TASP1: variants seen among roughly 807,000 people sequenced by gnomAD.
TASP1 encodes the protein taspase 1, also known as threonine aspartase 1.
TASP1 carries 16 observed loss-of-function variants against 56.6 expected under a neutral mutation model. The ratio of observed to expected loss-of-function variants is 0.28; its 90% CI spans 0.19 to 0.43. The LOEUF is 0.43. Ranked by LOEUF, TASP1 falls within the 20% of genes least tolerant of loss-of-function variation. The pLI is 1.00. For synonymous variants in TASP1, 179 were observed against 184.2 expected (o/e 0.97, Z 0.23); for missense variants, 393 against 511.6 (o/e 0.77, Z 2.24).
chr20:13,413,375 A>T (rs1222259638), intron 13 of TASP1, among the ~76,000 whole-genome samples: 2 of 148,874 alleles, frequency 1.3e-5, no homozygotes, highest in Admixed American at 6.7e-5. Flanking sequence ...TGTTGAGTAA[A>T]TTTTTTTTTT....
chr20:13,498,796 C>CA (rs34158191), intron 10 of TASP1, among the ~76,000 whole-genome samples: 140 of 130,042 alleles, frequency 1.1e-3, no homozygotes, highest in South Asian at 4.5e-3. Context: ...ATAAAAAAGG[C>CA]AAAAAAAAAA....
intron 4 of TASP1, among the ~76,000 whole-genome samples, chr20:13,596,822 T>G (rs1248270651): frequency 6.6e-6 from 1 of 151,938 alleles, no homozygotes; most frequent in East Asian, 1.9e-4. Context: ...AAGAATCAAA[T>G]AGATGCAATA....
the TASP1 span, among the ~76,000 whole-genome samples, chr20:13,237,397 A>G: frequency 9.2e-5 from 14 of 152,276 alleles, no homozygotes; most frequent in African/African-American, 3.4e-4. Context: ...GGGAATGAAC[A>G]AATGACAACT....
At chr20:13,133,256 C>T in the TASP1 span, among the ~76,000 whole-genome samples, 25 of 152,242 alleles carry the variant, frequency 1.6e-4, no homozygotes, top group East Asian at 5.8e-4. Flanking sequence ...AAACAGCTTG[C>T]GGACCCTCTA....
At chr20:13,279,977 A>C in the TASP1 span, 1 of 1,375,914 alleles carries the variant, frequency 7.3e-7, no homozygotes, top group Non-Finnish European at 9.9e-7. Context: ...GCCAAGCAAA[A>C]CCCTGCTTAG....
the TASP1 span, among the ~76,000 whole-genome samples, chr20:13,356,317 G>A: frequency 6.6e-6 from 1 of 152,192 alleles, no homozygotes; most frequent in East Asian, 1.9e-4. Context: ...AGGAGCAATT[G>A]TTGTAAAGCA....
chr20:13,494,829 T>A (rs926537593), intron 10 of TASP1, among the ~76,000 whole-genome samples: 1 of 152,108 alleles, frequency 6.6e-6, no homozygotes, highest in Non-Finnish European at 1.5e-5. Context: ...CACTTAGGAC[T>A]GTAGATAGTC....
At chr20:13,201,049 T>G in the TASP1 span, among the ~76,000 whole-genome samples, 1 of 152,048 alleles carries the variant, frequency 6.6e-6, no homozygotes, top group Non-Finnish European at 1.5e-5. Flanking sequence ...TGAATGACAG[T>G]CTCCAATGCC....
At chr20:13,211,194 G>A in the TASP1 span, among the ~76,000 whole-genome samples, 367 of 152,222 alleles carry the variant, frequency 2.4e-3, 3 homozygotes, top group Non-Finnish European at 2.3e-3. Context: ...TATATTGCAG[G>A]AATGAACCCT....
chr20:13,249,226 C>T, the TASP1 span, among the ~76,000 whole-genome samples: 1 of 152,202 alleles, frequency 6.6e-6, no homozygotes. Context: ...CTCCCCACCA[C>T]TGAAAGGTAC....
intron 11 of TASP1, among the ~76,000 whole-genome samples, chr20:13,472,584 A>C (rs973221454): frequency 6.6e-6 from 1 of 151,076 alleles, no homozygotes; most frequent in African/African-American, 2.4e-5. Context: ...CAATCTATCC[A>C]TCTAACAAAG....
the TASP1 span, chr20:13,133,059 A>C: frequency 6.6e-6 from 1 of 152,254 alleles, no homozygotes; most frequent in Non-Finnish European, 1.5e-5. Context: ...TCTCTCTTTG[A>C]AAACAGCCTT....
At chr20:13,186,938 G>T in the TASP1 span, among the ~76,000 whole-genome samples, 6 of 152,236 alleles carry the variant, frequency 3.9e-5, no homozygotes, top group East Asian at 9.7e-4. Flanking sequence ...TATCAGACAG[G>T]AAATTAAAAT....
intron 11 of TASP1, among the ~76,000 whole-genome samples, chr20:13,444,351 T>A (rs774020160): frequency 4.3e-4 from 65 of 152,218 alleles, no homozygotes; most frequent in Admixed American, 2.8e-3. Context: ...TGAATTTCTG[T>A]GCATTGCTTT....
At chr20:13,632,102 C>A (rs763908838) in intron 1 of TASP1, among the ~76,000 whole-genome samples, 1 of 144,532 alleles carries the variant, frequency 6.9e-6, no homozygotes, top group African/African-American at 2.6e-5. Flanking sequence ...CAGTGACTCA[C>A]GCCTGTAATC....
intron 11 of TASP1, among the ~76,000 whole-genome samples, chr20:13,444,455 C>T (rs1316781474): frequency 6.6e-6 from 1 of 152,104 alleles, no homozygotes; most frequent in African/African-American, 2.4e-5. Flanking sequence ...TATTGACACA[C>T]AGACAGTTTG....
chr20:13,148,490 A>C, the TASP1 span, among the ~76,000 whole-genome samples: 1 of 152,334 alleles, frequency 6.6e-6, no homozygotes, highest in African/African-American at 2.4e-5. Flanking sequence ...TCGGGAGAGC[A>C]GGTCACCCCC....
At chr20:13,249,877 C>G in the TASP1 span, among the ~76,000 whole-genome samples, 1 of 152,088 alleles carries the variant, frequency 6.6e-6, no homozygotes, top group Admixed American at 6.6e-5. Context: ...AGACTCCTTT[C>G]TGCACTCTCT....
At chr20:13,421,146 T>A (rs1052392169) in intron 12 of TASP1, among the ~76,000 whole-genome samples, 3 of 146,504 alleles carry the variant, frequency 2.0e-5, no homozygotes, top group Non-Finnish European at 4.5e-5. Flanking sequence ...AGAGTTTTAC[T>A]CTGTCACCTA....
Sources: allele counts gnomAD v4.1 joint callset (sites outside exome capture counted in the v4.1 genomes callset), GRCh38; gene constraint gnomAD v4.1.1; transcripts MANE v1.5; gene names NCBI Gene and HGNC (gene_info 2026-07-23, HGNC 2026-07-21).